Variants in ADCY8 observed in about 807,000 individuals in gnomAD.
The protein encoded by ADCY8 is adenylate cyclase type 8.
In ADCY8, 51 loss-of-function variants were observed where a neutral mutation model predicts 119.7. The ratio of observed to expected loss-of-function variants is 0.43; its 90% CI spans 0.34 to 0.54. The LOEUF (loss-of-function observed/expected upper bound fraction) is 0.54, where lower values mean the gene tolerates loss of function less well. ADCY8 is among the 20% of genes least tolerant of loss of function. The pLI, the probability that ADCY8 is intolerant of heterozygous loss-of-function variation, is 0.03. For synonymous variants in ADCY8, 665 were observed against 651.0 expected (o/e 1.02, Z -0.33); for missense variants, 1,383 against 1,598.8 (o/e 0.87, Z 2.30).
At chr8:130,903,691 A>G (rs1819682106) in intron 7 of ADCY8, 81 bp downstream of exon 7, 1 of 1,472,336 alleles carries the variant, frequency 6.8e-7, no homozygotes. Flanking sequence ...AAGATGAATC[A>G]GTTTTCTCTG....
intron 7 of ADCY8, among the ~76,000 whole-genome samples, chr8:130,890,467 T>C (rs1819148299): frequency 6.6e-6 from 1 of 152,176 alleles, no homozygotes; most frequent in African/African-American, 2.4e-5. Context: ...GGACTTCAAA[T>C]TTTGGAAAGA....
In ADCY8 at chr8:130,785,480, A is replaced by AAGAG. The variant is rs773410995; in HGVS notation, c.3061-9_3061-6dup. On this transcript the variant is annotated splice_region_variant and splice_polypyrimidine_tract_variant and intron_variant, in intron 15 of 17. Transcript: ENST00000286355. ...AAATCGGTCTTCACCAAGCAACTGAAAGAGAGCCAGGCAATGGTGTTAGCC... is the reference window on the plus strand; with the variant it reads ...AAATCGGTCTTCACCAAGCAACTGAAAGAGAGAGAGCCAGGCAATGGTGTTAGCC... 3 of 1,605,608 alleles carry AAGAG rather than the reference A, an allele frequency of 1.9e-6. No homozygotes were observed. The highest frequency in any genetic ancestry group is 2.6e-6 in the Non-Finnish European group (3 of 1,175,486).
intron 9 of ADCY8, among the ~76,000 whole-genome samples, chr8:130,856,537 C>T (rs1817739132): frequency 6.6e-6 from 1 of 152,140 alleles, no homozygotes; most frequent in Admixed American, 6.6e-5. Flanking sequence ...AGCTCGCCAC[C>T]CCGAGGTGCC....
intron 8 of ADCY8, among the ~76,000 whole-genome samples, chr8:130,880,509 T>A (rs1260820068): frequency 6.6e-6 from 1 of 152,202 alleles, no homozygotes; most frequent in Non-Finnish European, 1.5e-5. Context: ...TGCTTGCCCA[T>A]GAGATCTGTA....
chr8:130,968,547 A>G (rs535024788), intron 2 of ADCY8, among the ~76,000 whole-genome samples: 17 of 152,314 alleles, frequency 1.1e-4, no homozygotes, highest in African/African-American at 3.6e-4. Context: ...CTTTGCTCCC[A>G]GGTGACTGCT....
intron 5 of ADCY8, among the ~76,000 whole-genome samples, chr8:130,917,848 C>G (rs1820176858): frequency 1.3e-5 from 2 of 151,772 alleles, no homozygotes; most frequent in Non-Finnish European, 2.9e-5. Flanking sequence ...CTCCTTCCTT[C>G]AAGATGCCCC....
At chr8:130,930,935 A>G (rs1820612922) in intron 5 of ADCY8, among the ~76,000 whole-genome samples, 1 of 152,176 alleles carries the variant, frequency 6.6e-6, no homozygotes, top group South Asian at 2.1e-4. Flanking sequence ...TAAAACCCAC[A>G]GGACTTGAAT....
intron 11 of ADCY8, among the ~76,000 whole-genome samples, chr8:130,838,789 C>T (rs1817062821): frequency 7.1e-6 from 1 of 141,056 alleles, no homozygotes; most frequent in Non-Finnish European, 1.6e-5. Flanking sequence ...TAAGAGATGG[C>T]CCAGGCCTAA....
chr8:130,926,496 T>C (rs1473863066), intron 5 of ADCY8, among the ~76,000 whole-genome samples: 1 of 152,220 alleles, frequency 6.6e-6, no homozygotes, highest in East Asian at 1.9e-4. Context: ...AAATTGTATA[T>C]ATTTGTTGCA....
In ADCY8 at chr8:131,037,080, T is replaced by A. The variant is rs531134398; in HGVS notation, c.960+2294A>T. Among the ~76,000 whole-genome samples, 4 of 152,292 alleles carry A rather than the reference T, an allele frequency of 2.6e-5. No homozygotes were observed. The East Asian group carries it at 7.7e-4, about 29-fold the overall frequency. Reference sequence around the variant, plus strand: ...ATCTGCGCGATCTAGGAAAGACTCTTAAGCCAATAGAGGGCGCCAAAGGAC... The same window carrying A: ...ATCTGCGCGATCTAGGAAAGACTCTAAAGCCAATAGAGGGCGCCAAAGGAC... On this transcript the variant is annotated intron_variant, in intron 1 of 17. Coordinates refer to ENST00000286355, the MANE Select transcript of ADCY8 (RefSeq NM_001115.3).
intron 1 of ADCY8, among the ~76,000 whole-genome samples, chr8:131,037,827 G>T (rs1042703039): frequency 7.2e-5 from 11 of 152,174 alleles, no homozygotes; most frequent in African/African-American, 2.4e-4. Flanking sequence ...TAATACCAAA[G>T]AATTTGACTT....
chr8:130,902,562 C>G (rs964400426), intron 7 of ADCY8, among the ~76,000 whole-genome samples: 9 of 152,146 alleles, frequency 5.9e-5, no homozygotes, highest in African/African-American at 2.2e-4. Flanking sequence ...CCCCACAGAT[C>G]CAGAAAGAAA....
intron 15 of ADCY8, among the ~76,000 whole-genome samples, chr8:130,790,654 G>C (rs941802594): frequency 6.6e-6 from 1 of 152,162 alleles, no homozygotes; most frequent in African/African-American, 2.4e-5. Flanking sequence ...CAGATGAACA[G>C]GATTTAGTTC....
intron 1 of ADCY8, among the ~76,000 whole-genome samples, chr8:131,026,993 C>T (rs1823842919): frequency 6.6e-6 from 1 of 152,180 alleles, no homozygotes; most frequent in Non-Finnish European, 1.5e-5. Context: ...CAATCCCAGG[C>T]AGTCTGAATC....
At position 130,853,973 on chromosome 8, in the gene ADCY8, G is replaced by T. The variant is rs530685041; in HGVS notation, c.2211-4170C>A. Among the ~76,000 whole-genome samples, 4 of 152,284 alleles carry T rather than the reference G, an allele frequency of 2.6e-5. No homozygotes were observed. The South Asian group carries it at 8.3e-4, about 32-fold the overall frequency. On this transcript the variant is annotated intron_variant, in intron 9 of 17. Coordinates refer to ENST00000286355, the MANE Select transcript of ADCY8 (RefSeq NM_001115.3). ...TAAAGTAGTATAATAAAAATTTAAAGAAATGTTAGTTCTCTTTCTCTATTC... is the reference window on the plus strand; with the variant it reads ...TAAAGTAGTATAATAAAAATTTAAATAAATGTTAGTTCTCTTTCTCTATTC...
At chr8:131,001,709 G>A (rs1345959740) in intron 1 of ADCY8, among the ~76,000 whole-genome samples, 1 of 151,160 alleles carries the variant, frequency 6.6e-6, no homozygotes, top group Non-Finnish European at 1.5e-5. Context: ...GGAAATATGA[G>A]GCCATCTATT....
chr8:130,913,454 T>C (rs1820040000), intron 5 of ADCY8, among the ~76,000 whole-genome samples: 1 of 152,160 alleles, frequency 6.6e-6, no homozygotes, highest in Non-Finnish European at 1.5e-5. Context: ...TTTGTCTGGA[T>C]ATTGATGTTA....
At position 130,826,150 on chromosome 8, in the gene ADCY8, T is replaced by C. The variant is rs957549195; in HGVS notation, c.2676-4730A>G. ...GGCTTTGTCATATACTAGTAGTTCA[T>C]AGTTTCCCTATCATTAAAAGAAGAC... is the stretch of plus-strand genomic sequence containing the variant. On this transcript the variant is annotated intron_variant, in intron 12 of 17. Transcript: ENST00000286355. 4.6e-5 allele frequency among the ~76,000 whole-genome samples: 7 copies of C among 152,358 alleles called. No homozygotes were observed. The East Asian group carries it at 5.8e-4, about 13-fold the overall frequency.
chr8:130,944,398 G>A (rs1459351719), intron 3 of ADCY8, among the ~76,000 whole-genome samples: 1 of 152,226 alleles, frequency 6.6e-6, no homozygotes, highest in Non-Finnish European at 1.5e-5. Flanking sequence ...AAAGTGAGAT[G>A]TGTCTTACAA....
Sources: allele counts gnomAD v4.1 joint callset (sites outside exome capture counted in the v4.1 genomes callset), GRCh38; gene constraint gnomAD v4.1.1; transcripts MANE v1.5; gene names NCBI Gene and HGNC (gene_info 2026-07-23, HGNC 2026-07-21).